RBM25: variants seen among roughly 807,000 people sequenced by gnomAD.
The protein encoded by RBM25 is RNA binding motif protein 25.
RBM25 carries 19 observed loss-of-function variants against 120.7 expected under a neutral mutation model. The observed-to-expected ratio is 0.16, with a 90% confidence interval of 0.11 to 0.23. RBM25 has a LOEUF of 0.23. Ranked by LOEUF, RBM25 falls within the 10% of genes least tolerant of loss-of-function variation. RBM25 has a pLI of 1.00. For synonymous variants in RBM25, 390 were observed against 326.7 expected, an observed-to-expected ratio of 1.19 and a Z score of -2.09; for missense variants, 605 against 1,041.5, an observed-to-expected ratio of 0.58 and a Z score of 5.77.
At chr14:73,062,450 C>T (rs921617406) in intron 1 of RBM25, among the ~76,000 whole-genome samples, 1 of 151,254 alleles carries the variant, frequency 6.6e-6, no homozygotes, top group Non-Finnish European at 1.5e-5. Flanking sequence ...ACGTAGTGTA[C>T]TGATGGAGCT....
At chr14:73,111,936 C>CTG in intron 16 of RBM25, 134 bp downstream of exon 16, 3 of 1,222,678 alleles carry the variant, frequency 2.5e-6, no homozygotes, top group Non-Finnish European at 3.4e-6. Context: ...TTGACACCAA[C>CTG]TCAATGCCAT....
At chr14:73,103,994 A>ACACACACACTCT (rs1339176135) in intron 10 of RBM25, among the ~76,000 whole-genome samples, 2 of 99,454 alleles carry the variant, frequency 2.0e-5, no homozygotes, top group Non-Finnish European at 3.9e-5. Context: ...ACACACACAC[A>ACACACACACTCT]CTCTCTCTCT....
chr14:73,093,209 G>C (rs968482207), intron 6 of RBM25, among the ~76,000 whole-genome samples: 2 of 152,204 alleles, frequency 1.3e-5, no homozygotes, highest in Admixed American at 6.5e-5. Flanking sequence ...GAGGACAGCT[G>C]CTTCAGGGGA....
intron 6 of RBM25, among the ~76,000 whole-genome samples, chr14:73,095,964 A>G (rs1174161992): frequency 6.6e-6 from 1 of 152,168 alleles, no homozygotes; most frequent in Non-Finnish European, 1.5e-5. Context: ...GGAATAATCT[A>G]GACTTCTTAG....
intron 5 of RBM25, among the ~76,000 whole-genome samples, chr14:73,084,260 A>C (rs1895633373): frequency 6.6e-6 from 1 of 152,130 alleles, no homozygotes; most frequent in East Asian, 1.9e-4. Context: ...CACACATTGC[A>C]ACTAGTTGGC....
intron 2 of RBM25, 25 bp downstream of exon 2, chr14:73,071,772 G>A: frequency 6.5e-7 from 1 of 1,547,774 alleles, no homozygotes; most frequent in South Asian, 1.1e-5. Flanking sequence ...ACTGTTTTTT[G>A]TCGTTAAACT....
intron 1 of RBM25, among the ~76,000 whole-genome samples, chr14:73,069,289 TA>T (rs1475908297): frequency 1.3e-5 from 2 of 152,164 alleles, no homozygotes; most frequent in African/African-American, 4.8e-5. Context: ...TGTAGAAAAA[TA>T]AAAATTATTA....
intron 9 of RBM25, chr14:73,102,139 G>A (rs1259761366): frequency 6.6e-6 from 1 of 152,178 alleles, no homozygotes; most frequent in Non-Finnish European, 1.5e-5. Context: ...AAAGAAAAAT[G>A]CACATTTTAT....
chr14:73,081,384 C>T (rs560785124), intron 4 of RBM25, among the ~76,000 whole-genome samples: 5 of 152,340 alleles, frequency 3.3e-5, no homozygotes, highest in East Asian at 1.9e-4. Flanking sequence ...GTGATCCACC[C>T]ACCTTGGCTT....
intron 6 of RBM25, among the ~76,000 whole-genome samples, chr14:73,088,835 T>C (rs1302975343): frequency 6.6e-6 from 1 of 152,224 alleles, no homozygotes; most frequent in East Asian, 1.9e-4. Context: ...ATTTTTATTA[T>C]CTTTCAAAAT....
chr14:73,082,352 C>T (rs61985145), intron 4 of RBM25, among the ~76,000 whole-genome samples: 8,527 of 152,158 alleles, frequency 0.056, 324 homozygotes, highest in Non-Finnish European at 0.088. Flanking sequence ...AGCATAGTGG[C>T]ATGATTACAG....
At chr14:73,068,470 C>T in intron 1 of RBM25, 1 of 856,796 alleles carries the variant, frequency 1.2e-6, no homozygotes, top group South Asian at 1.3e-5. Flanking sequence ...GGAACAAATC[C>T]AAGTTTTGAC....
intron 4 of RBM25, among the ~76,000 whole-genome samples, chr14:73,077,948 T>G (rs1766895843): frequency 6.6e-6 from 1 of 152,204 alleles, no homozygotes; most frequent in South Asian, 2.1e-4. Context: ...GGAGGATCTC[T>G]TAAGCTAGGA....
intron 14 of RBM25, 38 bp downstream of exon 14, chr14:73,109,530 A>T (rs989255782): frequency 6.3e-7 from 1 of 1,584,132 alleles, no homozygotes; most frequent in African/African-American, 1.4e-5. Flanking sequence ...GCGGTGGCTC[A>T]CGCCTGTAAT....
At chr14:73,066,928 T>C (rs1895150035) in intron 1 of RBM25, among the ~76,000 whole-genome samples, 1 of 152,150 alleles carries the variant, frequency 6.6e-6, no homozygotes, top group African/African-American at 2.4e-5. Context: ...CTTATGAAAT[T>C]GTGAGAATTT....
chr14:73,076,215 A>T (rs1247194021), intron 2 of RBM25, 104 bp from the exon 3 acceptor site: 2 of 953,620 alleles, frequency 2.1e-6, no homozygotes, highest in Non-Finnish European at 3.4e-6. Context: ...CATTTGTCTT[A>T]TATTTCCACT....
At chr14:73,110,100 G>A (rs1010432791) in intron 14 of RBM25, among the ~76,000 whole-genome samples, 3 of 151,412 alleles carry the variant, frequency 2.0e-5, no homozygotes, top group African/African-American at 7.3e-5. Flanking sequence ...GGCCAGGCTA[G>A]TATTAAACTC....
chr14:73,071,136 G>GGA (rs1396834853), intron 1 of RBM25, among the ~76,000 whole-genome samples: 1 of 151,536 alleles, frequency 6.6e-6, no homozygotes, highest in African/African-American at 2.4e-5. Flanking sequence ...CAGCTACTTG[G>GGA]GAGGCTCAGG....
In RBM25 at chr14:73,077,544, A is replaced by T; in HGVS notation, c.324+8A>T. ...ATAAGACAACTCTTAGCTGTAAGTTAAACTGTTTATTTTTCATTAAAAATT... is the reference window on the plus strand; with the variant it reads ...ATAAGACAACTCTTAGCTGTAAGTTTAACTGTTTATTTTTCATTAAAAATT... On this transcript the variant is annotated splice_region_variant and intron_variant, in intron 4 of 18. Transcript: ENST00000261973. 1 of 1,572,674 alleles carries T rather than the reference A, an allele frequency of 6.4e-7. No homozygotes were observed. Among genetic ancestry groups the T allele is most frequent in the Non-Finnish European group, 8.6e-7 (1 of 1,164,062 alleles).
Sources: allele counts gnomAD v4.1 joint callset (sites outside exome capture counted in the v4.1 genomes callset), GRCh38; gene constraint gnomAD v4.1.1; transcripts MANE v1.5; gene names NCBI Gene and HGNC (gene_info 2026-07-23, HGNC 2026-07-21).